Variants in LPIN1 observed in about 807,000 individuals in gnomAD.
The protein encoded by LPIN1 is lipin 1.
In LPIN1, 71 loss-of-function variants were observed where a neutral mutation model predicts 107.5. That is an observed-to-expected ratio of 0.66 (90% CI 0.55 to 0.80). The LOEUF is 0.80. Ranked by LOEUF, LPIN1 falls within the 30% of genes least tolerant of loss-of-function variation. LPIN1 has a pLI of 0.00. For missense variants in LPIN1, 1,043 were observed against 1,160.6 expected (o/e 0.90, Z 1.47); for synonymous variants, 445 against 452.6 (o/e 0.98, Z 0.21).
intron 1 of LPIN1, among the ~76,000 whole-genome samples, chr2:11,746,937 C>G (rs1442350410): frequency 2.0e-5 from 3 of 152,202 alleles, no homozygotes; most frequent in African/African-American, 7.2e-5. Flanking sequence ...CGCCGCGAGG[C>G]CCGGTGTGGG....
chr2:11,725,113 T>C (rs1478191613), intron 1 of LPIN1, among the ~76,000 whole-genome samples: 1 of 151,986 alleles, frequency 6.6e-6, no homozygotes, highest in African/African-American at 2.4e-5. Flanking sequence ...TACAAAACAT[T>C]AGCCGGGCGT....
intron 1 of LPIN1, among the ~76,000 whole-genome samples, chr2:11,763,462 C>T (rs934174004): frequency 1.3e-5 from 2 of 152,204 alleles, no homozygotes; most frequent in Admixed American, 6.5e-5. Context: ...CGGCAGCTCG[C>T]AGTCCAGCTG....
At chr2:11,685,998 G>A (rs1481981000) in intron 1 of LPIN1, among the ~76,000 whole-genome samples, 1 of 152,146 alleles carries the variant, frequency 6.6e-6, no homozygotes, top group Non-Finnish European at 1.5e-5. Flanking sequence ...CCTTGTGTAA[G>A]TGCAGCCTTC....
Position 11,825,827 on chromosome 2 carries a change from A to G in LPIN1, c.*1036A>G, listed in dbSNP as rs1682298525. On this transcript the variant is annotated 3_prime_UTR_variant, in exon 21 of 21. Coordinates refer to ENST00000674199, the MANE Select transcript of LPIN1 (RefSeq NM_001349206.2). This position sits in a 1 kb window ranked among gnomAD's most constrained non-coding sequence, Gnocchi z 4.1. Reference sequence around the variant, plus strand: ...CTCTGATTAGGTTACTGTGATAGGCATTTATTCATATTCTTTCTATACCAC... The same window carrying G: ...CTCTGATTAGGTTACTGTGATAGGCGTTTATTCATATTCTTTCTATACCAC... 3 of 152,218 alleles carry G rather than the reference A, an allele frequency of 2.0e-5. No homozygotes were observed. The South Asian group carries it at 6.2e-4, about 32-fold the overall frequency. The allele number at this position is 152,218 out of a possible 1,614,324, so 9.4% of individuals were successfully genotyped here.
At chr2:11,818,232 A>C (rs770511172) in intron 18 of LPIN1, 6 of 152,232 alleles carry the variant, frequency 3.9e-5, no homozygotes, top group Non-Finnish European at 7.3e-5. Context: ...GTTTGATTGA[A>C]ATTGCAGTGA....
At chr2:11,749,539 C>G (rs13409154) in intron 1 of LPIN1, among the ~76,000 whole-genome samples, 46,156 of 152,058 alleles carry the variant, frequency 0.3, 8,355 homozygotes, top group Non-Finnish European at 0.41. Flanking sequence ...GGGGTGGGGT[C>G]TGTGCAGCCA....
intron 3 of LPIN1, among the ~76,000 whole-genome samples, chr2:11,770,811 G>A (rs1160100099): frequency 1.3e-5 from 2 of 152,164 alleles, no homozygotes; most frequent in Non-Finnish European, 2.9e-5. Flanking sequence ...CTACTTCCTC[G>A]ATGTTCAGGG....
chr2:11,800,006 G>A (rs1473822545), intron 14 of LPIN1, among the ~76,000 whole-genome samples: 2 of 152,206 alleles, frequency 1.3e-5, no homozygotes, highest in Admixed American at 6.5e-5. Context: ...TCTAGCCGAT[G>A]CTCTGTTTTC....
chr2:11,757,869 G>A (rs1372040142), intron 1 of LPIN1, among the ~76,000 whole-genome samples: 2 of 151,986 alleles, frequency 1.3e-5, no homozygotes, highest in African/African-American at 2.4e-5. Context: ...CCATCTTTAA[G>A]TGTGTGGTTC....
chr2:11,795,330 G>A (rs1490448762), intron 13 of LPIN1, 78 bp from the exon 14 acceptor site: 1 of 1,182,358 alleles, frequency 8.5e-7, no homozygotes, highest in East Asian at 2.3e-5. Context: ...CCTTAAGGAA[G>A]CCCATGGGAA....
chr2:11,804,980 GTGTT>G, intron 16 of LPIN1, 86 bp from the exon 17 acceptor site: 1 of 806,136 alleles, frequency 1.2e-6, no homozygotes, highest in Non-Finnish European at 2.1e-6. Context: ...GGTCTTGTTT[GTGTT>G]TTTTTTTTTT....
In LPIN1 at chr2:11,697,431, C is replaced by T. The variant is rs1036717827; in HGVS notation, c.82-16325C>T. ...GCCCCCGTGGGCCACTGTGGGGCTG[C>T]ACCAGGAGCTGTGCTCGGCTCCTGC... is the stretch of plus-strand genomic sequence containing the variant. On this transcript the variant is annotated intron_variant, in intron 1 of 21. Coordinates refer to the LPIN1 transcript ENST00000449576. The surrounding 1 kb of genome is among the most constrained non-coding windows in gnomAD (Gnocchi z 4.6). 2.0e-5 allele frequency among the ~76,000 whole-genome samples: 3 copies of T among 152,244 alleles called. No individual in the cohort carries two copies. The highest frequency in any genetic ancestry group is 4.4e-5 in the Non-Finnish European group (3 of 68,046).
intron 1 of LPIN1, chr2:11,740,853 C>T (rs1469790749): frequency 1.3e-5 from 2 of 152,308 alleles, no homozygotes; most frequent in African/African-American, 2.4e-5. Context: ...AGTGAAAACC[C>T]AGAAGATCTG....
chr2:11,789,387 G>A (rs1459308567), intron 12 of LPIN1, among the ~76,000 whole-genome samples: 2 of 152,036 alleles, frequency 1.3e-5, no homozygotes, highest in Non-Finnish European at 2.9e-5. Context: ...GTGTGCATGC[G>A]GGTATGTGTG....
chr2:11,808,028 C>T (rs1679009412), intron 17 of LPIN1, among the ~76,000 whole-genome samples: 1 of 152,160 alleles, frequency 6.6e-6, no homozygotes, highest in East Asian at 1.9e-4. Flanking sequence ...ATGTGGCGGC[C>T]TCAGCTTGAC....
intron 1 of LPIN1, among the ~76,000 whole-genome samples, chr2:11,752,787 A>G (rs1389999692): frequency 6.6e-6 from 1 of 152,096 alleles, no homozygotes; most frequent in Non-Finnish European, 1.5e-5. Flanking sequence ...GTTGGCAAAA[A>G]TTGTGGGGTT....
At chr2:11,805,319 G>A in intron 17 of LPIN1, 163 bp downstream of exon 17, 1 of 685,574 alleles carries the variant, frequency 1.5e-6, no homozygotes, top group South Asian at 1.6e-5. Context: ...GGAGTCCAGA[G>A]TGAAAGTGAA....
intron 1 of LPIN1, chr2:11,741,111 C>CGA (rs1391412203): frequency 2.7e-6 from 1 of 366,622 alleles, no homozygotes; most frequent in African/African-American, 2.1e-5. Flanking sequence ...GCCTTCACAG[C>CGA]AGCACAAATG....
chr2:11,798,889 AT>A (rs1677189804), intron 14 of LPIN1, among the ~76,000 whole-genome samples: 1 of 152,238 alleles, frequency 6.6e-6, no homozygotes, highest in Admixed American at 6.5e-5. Context: ...AATAATTAAA[AT>A]AGCGTTTGAA....
Sources: gnomAD v4.1 joint callset for allele counts (sites outside exome capture counted in the v4.1 genomes callset) on GRCh38, gnomAD v4.1.1 for gene constraint, Gnocchi (gnomAD v3.1) non-coding constraint, MANE v1.5 for transcripts, NCBI Gene and HGNC (gene_info 2026-07-23, HGNC 2026-07-21) for gene names.